Variants in DOCK9 observed in about 807,000 individuals in gnomAD.
DOCK9 encodes dedicator of cytokinesis protein 9.
DOCK9 carries 89 observed loss-of-function variants against 263.3 expected under a neutral mutation model. That is an observed-to-expected ratio of 0.34 (90% CI 0.28 to 0.40). The LOEUF (loss-of-function observed/expected upper bound fraction) is 0.40, where lower values mean the gene tolerates loss of function less well. Ranked by LOEUF, DOCK9 falls within the 10% of genes least tolerant of loss-of-function variation. DOCK9 has a pLI of 1.00. For synonymous variants in DOCK9, 976 were observed against 973.1 expected (o/e 1.00, Z -0.06); for missense variants, 2,140 against 2,603.4 (o/e 0.82, Z 3.87).
chr13:98,957,189 A>G (rs2058154997), intron 1 of DOCK9, among the ~76,000 whole-genome samples: 1 of 152,234 alleles, frequency 6.6e-6, no homozygotes, highest in African/African-American at 2.4e-5. Context: ...TAAGATGGAA[A>G]GAGTCTGGGT....
At chr13:99,054,014 G>T (rs1197602965) in intron 1 of DOCK9, among the ~76,000 whole-genome samples, 1 of 152,188 alleles carries the variant, frequency 6.6e-6, no homozygotes, top group African/African-American at 2.4e-5. Flanking sequence ...GAGTCATGAA[G>T]AAGTCAAAAG....
At chr13:98,923,432 T>G (rs1242641036) in intron 4 of DOCK9, 61 bp from the exon 5 acceptor site, 8 of 1,398,118 alleles carry the variant, frequency 5.7e-6, no homozygotes, top group Non-Finnish European at 8.1e-6. Flanking sequence ...AGGCTTTGCA[T>G]TTCTTCCTCC....
chr13:98,800,661 A>C (rs2090011265), intron 49 of DOCK9, among the ~76,000 whole-genome samples, 183 bp from the exon 50 acceptor site: 1 of 152,222 alleles, frequency 6.6e-6, no homozygotes, highest in Admixed American at 6.5e-5. Context: ...GTCTTCCTTT[A>C]CAATCGTGTG....
chr13:98,829,438 C>T lies in DOCK9; in HGVS notation c.4834G>A (p.Glu1612Lys). ...LMATAQMKEHENDPEMLVDLQ... is the reference protein window; with the variant it reads ...LMATAQMKEHKNDPEMLVDLQ... The stretch of plus-strand genomic sequence containing the variant: ...TCCACCAGCATCTCTGGGTCGTTCT[C>T]ATGCTCCTTCATCTGGGCGGTGGCC... The change falls in exon 43 of 53, where the codon GAG becomes AAG. Residue 1612 changes from glutamate to lysine, a missense_variant. Coordinates refer to ENST00000682017, the MANE Select transcript of DOCK9 (RefSeq NM_001366683.2). The surrounding 1 kb of genome is among the most constrained non-coding windows in gnomAD (Gnocchi z 4.1). The T allele has an allele frequency of 6.2e-7, 1 of 1,613,962 alleles. No homozygotes were observed.
intron 47 of DOCK9, chr13:98,809,123 C>T: frequency 1.9e-6 from 3 of 1,544,916 alleles, no homozygotes; most frequent in South Asian, 1.2e-5. Flanking sequence ...AAGAACTTAC[C>T]GCTGCCTTAA....
At chr13:98,872,698 G>A (rs1166940042) in intron 27 of DOCK9, among the ~76,000 whole-genome samples, 1 of 152,098 alleles carries the variant, frequency 6.6e-6, no homozygotes, top group African/African-American at 2.4e-5. Context: ...GAACCATTGC[G>A]CCCAGCCTAC....
At position 98,884,980 on chromosome 13, in the gene DOCK9, C is replaced by T. The variant is rs2045450165; in HGVS notation, c.2373G>A (p.Gly791=). The part of the protein sequence containing the change: ...PSGYLGYQEL[G]MGRHYGPEIK... ...TTAAAATGGGACATACCCTGCCCAT[C>T]CCAAGCTCCTGGTAGCCAAGATAGC... Residue 791 remains glycine (G), a synonymous_variant, in exon 21 of 53, where the codon GGG becomes GGA. Coordinates refer to ENST00000682017, the MANE Select transcript of DOCK9 (RefSeq NM_001366683.2). 1 of 1,613,324 alleles carries T rather than the reference C, an allele frequency of 6.2e-7. No individual in the cohort carries two copies. The highest frequency in any genetic ancestry group is 8.5e-7 in the Non-Finnish European group (1 of 1,179,680).
intron 45 of DOCK9, among the ~76,000 whole-genome samples, chr13:98,817,726 C>T (rs1309027808): frequency 7.2e-6 from 1 of 138,330 alleles, no homozygotes; most frequent in Non-Finnish European, 1.5e-5. Context: ...GTATGTACCA[C>T]ATGATACAGA....
At chr13:99,051,268 C>A (rs1235581159) in intron 1 of DOCK9, among the ~76,000 whole-genome samples, 1 of 152,142 alleles carries the variant, frequency 6.6e-6, no homozygotes, top group African/African-American at 2.4e-5. Flanking sequence ...CAGGCTCCCC[C>A]TTTCCCGCCA....
At chr13:99,020,906 T>C (rs563399131) in intron 1 of DOCK9, among the ~76,000 whole-genome samples, 1 of 152,218 alleles carries the variant, frequency 6.6e-6, no homozygotes, top group African/African-American at 2.4e-5. Flanking sequence ...TCACCAAATC[T>C]AAGTAAAGGG....
At chr13:99,018,809 A>G (rs1471436887) in intron 1 of DOCK9, among the ~76,000 whole-genome samples, 1 of 152,234 alleles carries the variant, frequency 6.6e-6, no homozygotes, top group African/African-American at 2.4e-5. Flanking sequence ...CTAAAAGAGT[A>G]TATATTTCAA....
intron 3 of DOCK9, among the ~76,000 whole-genome samples, chr13:98,928,113 A>G (rs2053334963): frequency 6.6e-6 from 1 of 152,172 alleles, no homozygotes; most frequent in African/African-American, 2.4e-5. Context: ...GGCATTGGCT[A>G]AATTCCAAAG....
intron 45 of DOCK9, among the ~76,000 whole-genome samples, chr13:98,812,872 T>G (rs1594247195): frequency 6.6e-6 from 1 of 152,330 alleles, no homozygotes; most frequent in African/African-American, 2.4e-5. Context: ...TTCATATGGA[T>G]GAATGTCAGT....
At chr13:98,907,376 G>A (rs1009086648) in intron 9 of DOCK9, among the ~76,000 whole-genome samples, 1 of 152,314 alleles carries the variant, frequency 6.6e-6, no homozygotes, top group Admixed American at 6.5e-5. Flanking sequence ...GTGGCTTTCT[G>A]AAAGATGCTT....
At chr13:98,992,517 G>A (rs559130324) in intron 1 of DOCK9, among the ~76,000 whole-genome samples, 34 of 152,230 alleles carry the variant, frequency 2.2e-4, no homozygotes, top group African/African-American at 7.0e-4. Context: ...TAATCCTCAC[G>A]TGTCATGGGA....
At chr13:98,945,269 A>G (rs1184272592) in intron 2 of DOCK9, among the ~76,000 whole-genome samples, 1 of 152,178 alleles carries the variant, frequency 6.6e-6, no homozygotes, top group African/African-American at 2.4e-5. Context: ...CTGAATGTAC[A>G]TCTACGATTT....
chr13:98,867,783 C>G, intron 29 of DOCK9, 145 bp downstream of exon 29: 1 of 777,614 alleles, frequency 1.3e-6, no homozygotes, highest in Non-Finnish European at 2.0e-6. Flanking sequence ...TGAAGGACTT[C>G]AGGTAGCTTA....
intron 2 of DOCK9, among the ~76,000 whole-genome samples, chr13:98,951,484 A>G (rs9517505): frequency 0.42 from 63,378 of 152,040 alleles, 13,560 homozygotes; most frequent in East Asian, 0.56. Flanking sequence ...TGGGTGGGAG[A>G]ACAGAGGCTC....
chr13:98,923,420 A>G (rs752376276), intron 4 of DOCK9, 49 bp from the exon 5 acceptor site: 13 of 1,502,734 alleles, frequency 8.7e-6, no homozygotes, highest in African/African-American at 4.1e-5. Flanking sequence ...TAGTCAAGGA[A>G]GAGGCTTTGC....
Sources: allele counts gnomAD v4.1 joint callset (sites outside exome capture counted in the v4.1 genomes callset), GRCh38; gene constraint gnomAD v4.1.1; non-coding constraint Gnocchi (gnomAD v3.1); transcripts MANE v1.5; gene names NCBI Gene and HGNC (gene_info 2026-07-23, HGNC 2026-07-21).